IMMP2L: variants seen among roughly 807,000 people sequenced by gnomAD.
IMMP2L encodes the protein mitochondrial inner membrane protease subunit 2.
Under a neutral mutation model 19.3 loss-of-function variants are expected in IMMP2L, and 18 were observed. The ratio of observed to expected loss-of-function variants is 0.93; its 90% CI spans 0.64 to 1.38. IMMP2L has a LOEUF of 1.38. IMMP2L is among the 40% of genes most tolerant of loss of function. IMMP2L has a pLI of 0.00. For synonymous variants in IMMP2L, 76 were observed against 73.0 expected (o/e 1.04, Z -0.21); for missense variants, 233 against 218.2 (o/e 1.07, Z -0.43).
At chr7:110,852,842 C>G (rs1346840809) in intron 5 of IMMP2L, among the ~76,000 whole-genome samples, 1 of 152,018 alleles carries the variant, frequency 6.6e-6, no homozygotes, top group Non-Finnish European at 1.5e-5. Flanking sequence ...AAGCCCACAG[C>G]CAGCATAATT....
chr7:111,312,838 CT>C (rs1385995604), intron 3 of IMMP2L, among the ~76,000 whole-genome samples: 1 of 152,080 alleles, frequency 6.6e-6, no homozygotes. Context: ...AAAACCACTC[CT>C]GGTTATTGTT....
intron 3 of IMMP2L, among the ~76,000 whole-genome samples, chr7:111,293,436 G>A (rs527469050): frequency 1.3e-5 from 2 of 151,446 alleles, no homozygotes; most frequent in East Asian, 1.9e-4. Flanking sequence ...TTTTTTCAAC[G>A]ACTTTCCTGA....
chr7:110,818,533 A>C (rs1187670409), intron 5 of IMMP2L, among the ~76,000 whole-genome samples: 2 of 152,192 alleles, frequency 1.3e-5, no homozygotes, highest in South Asian at 2.1e-4. Flanking sequence ...AAACTAGTTC[A>C]ACCATTGTGG....
chr7:111,044,262 G>GA (rs1224258245), intron 3 of IMMP2L, among the ~76,000 whole-genome samples: 3 of 152,050 alleles, frequency 2.0e-5, no homozygotes, highest in African/African-American at 7.2e-5. Flanking sequence ...CCTAGAATCT[G>GA]AAATTGTACA....
chr7:111,214,054 T>G (rs1811623034), intron 3 of IMMP2L, among the ~76,000 whole-genome samples: 1 of 152,128 alleles, frequency 6.6e-6, no homozygotes, highest in Non-Finnish European at 1.5e-5. Context: ...TAATACACAA[T>G]AAATCAATTA....
At chr7:110,804,153 A>T (rs1801452750) in intron 5 of IMMP2L, among the ~76,000 whole-genome samples, 2 of 152,016 alleles carry the variant, frequency 1.3e-5, no homozygotes, top group Non-Finnish European at 2.9e-5. Context: ...GTTTATTATC[A>T]TCTCCAAACA....
At chr7:110,953,546 A>G in intron 4 of IMMP2L, among the ~76,000 whole-genome samples, 1 of 151,866 alleles carries the variant, frequency 6.6e-6, no homozygotes, top group East Asian at 1.9e-4. Context: ...TATGTGCCAC[A>G]TTTTCTTAAT....
intron 3 of IMMP2L, among the ~76,000 whole-genome samples, chr7:111,366,229 T>C (rs1319481918): frequency 6.6e-6 from 1 of 151,260 alleles, no homozygotes; most frequent in East Asian, 1.9e-4. Flanking sequence ...ATGCGATGCC[T>C]GGAAAAGGAA....
At chr7:111,386,848 C>A (rs1831807756) in intron 3 of IMMP2L, among the ~76,000 whole-genome samples, 1 of 152,052 alleles carries the variant, frequency 6.6e-6, no homozygotes, top group Non-Finnish European at 1.5e-5. Flanking sequence ...AGCTGACAAG[C>A]AATTATATTC....
chr7:110,722,718 C>T (rs1254331309), intron 5 of IMMP2L, among the ~76,000 whole-genome samples: 1 of 151,838 alleles, frequency 6.6e-6, no homozygotes, highest in East Asian at 1.9e-4. Context: ...CCATTATTTC[C>T]AGTGAGGAAA....
intron 2 of IMMP2L, among the ~76,000 whole-genome samples, chr7:111,506,632 T>G (rs907880338): frequency 6.6e-6 from 1 of 152,174 alleles, no homozygotes; most frequent in African/African-American, 2.4e-5. Context: ...CCTAACCTCG[T>G]GATCCACCTG....
chr7:111,102,771 A>G (rs1263365284), intron 3 of IMMP2L, among the ~76,000 whole-genome samples: 1 of 151,556 alleles, frequency 6.6e-6, no homozygotes, highest in Non-Finnish European at 1.5e-5. Flanking sequence ...TCCATCTCAA[A>G]TTTAAAAAGC....
chr7:111,089,773 T>C (rs1338911854), intron 3 of IMMP2L, among the ~76,000 whole-genome samples: 1 of 152,052 alleles, frequency 6.6e-6, no homozygotes, highest in Non-Finnish European at 1.5e-5. Context: ...TTTGAATAAA[T>C]TCTTATAGAA....
At chr7:111,366,418 G>A (rs1366094556) in intron 3 of IMMP2L, among the ~76,000 whole-genome samples, 1 of 150,008 alleles carries the variant, frequency 6.7e-6, no homozygotes, top group Non-Finnish European at 1.5e-5. Context: ...AAAAAAGCAA[G>A]CTGAAGAATT....
chr7:111,207,598 G>A (rs1273566387), intron 3 of IMMP2L, among the ~76,000 whole-genome samples: 2 of 141,154 alleles, frequency 1.4e-5, no homozygotes, highest in African/African-American at 5.3e-5. Context: ...GAGTGCAGTG[G>A]CACAATCCCT....
intron 3 of IMMP2L, among the ~76,000 whole-genome samples, chr7:111,410,344 T>C (rs1450412990): frequency 6.6e-6 from 1 of 151,694 alleles, no homozygotes; most frequent in Non-Finnish European, 1.5e-5. Flanking sequence ...CTGCAAATAA[T>C]TTAAATGCCT....
At chr7:111,072,457 T>G (rs971518721) in intron 3 of IMMP2L, among the ~76,000 whole-genome samples, 24 of 151,866 alleles carry the variant, frequency 1.6e-4, no homozygotes, top group African/African-American at 5.1e-4. Flanking sequence ...TAATGCAGTG[T>G]AAACTGCATT....
At chr7:111,488,911 T>C (rs749952404) in intron 2 of IMMP2L, among the ~76,000 whole-genome samples, 10 of 152,148 alleles carry the variant, frequency 6.6e-5, no homozygotes, top group East Asian at 1.9e-4. Flanking sequence ...AGGAGTGAGG[T>C]AGTATTGCAT....
chr7:111,469,408 G>A (rs920238352), intron 3 of IMMP2L, among the ~76,000 whole-genome samples: 12 of 152,014 alleles, frequency 7.9e-5, no homozygotes, highest in Non-Finnish European at 1.8e-4. Flanking sequence ...TCTTCCATTC[G>A]TTTGTATCCT....
Sources: gnomAD v4.1 joint callset for allele counts (sites outside exome capture counted in the v4.1 genomes callset) on GRCh38, gnomAD v4.1.1 for gene constraint, MANE v1.5 for transcripts, NCBI Gene and HGNC (gene_info 2026-07-23, HGNC 2026-07-21) for gene names.